SLC9D1: variants seen among roughly 807,000 people sequenced by gnomAD.
The protein encoded by SLC9D1 is solute carrier family 9 member D1.
the SLC9D1 span, among the ~76,000 whole-genome samples, chr13:113,495,172 A>G: frequency 2.6e-5 from 4 of 152,212 alleles, no homozygotes; most frequent in African/African-American, 7.2e-5. Flanking sequence ...ACTCTCTTAA[A>G]TAGACTTGGT....
the SLC9D1 span, chr13:113,539,253 T>G: frequency 9.4e-7 from 1 of 1,066,282 alleles, no homozygotes; most frequent in Non-Finnish European, 1.4e-6. This position sits in a 1 kb window ranked among gnomAD's most constrained non-coding sequence, Gnocchi z 4.8. Context: ...GCAGCTTCTG[T>G]GTTTTGTCGT....
At chr13:113,549,348 G>A in the SLC9D1 span, 1 of 1,524,930 alleles carries the variant, frequency 6.6e-7, no homozygotes, top group South Asian at 1.2e-5. Flanking sequence ...AGCTCAGTGA[G>A]ACCAGCCCTG....
At chr13:113,548,534 T>C in the SLC9D1 span, 5 of 1,478,408 alleles carry the variant, frequency 3.4e-6, no homozygotes, top group South Asian at 5.2e-5. Context: ...CGAAGGCGGC[T>C]CGGCAGCACA....
the SLC9D1 span, among the ~76,000 whole-genome samples, chr13:113,542,712 C>T: frequency 2.0e-5 from 3 of 152,186 alleles, no homozygotes; most frequent in Non-Finnish European, 4.4e-5. Flanking sequence ...TGTCGGGCCA[C>T]ATCCCTGGCA....
chr13:113,498,775 G>A, the SLC9D1 span: 1 of 361,256 alleles, frequency 2.8e-6, no homozygotes, highest in Non-Finnish European at 5.0e-6. Flanking sequence ...CCAGAGGCCA[G>A]ATGGATTGGG....
the SLC9D1 span, chr13:113,549,403 G>A: frequency 1.2e-5 from 20 of 1,612,084 alleles, no homozygotes; most frequent in Non-Finnish European, 1.4e-5. Context: ...TCTGTGACCC[G>A]CTCTGCACTT....
At chr13:113,523,715 A>G in the SLC9D1 span, among the ~76,000 whole-genome samples, 1 of 152,016 alleles carries the variant, frequency 6.6e-6, no homozygotes, top group African/African-American at 2.4e-5. Flanking sequence ...AACTTAGATT[A>G]TTGATTTTAA....
At chr13:113,545,153 C>T in the SLC9D1 span, among the ~76,000 whole-genome samples, 23 of 152,274 alleles carry the variant, frequency 1.5e-4, no homozygotes, top group East Asian at 1.5e-3. Context: ...CTCACCTTCA[C>T]GCCATGGCCT....
the SLC9D1 span, chr13:113,498,380 A>T: frequency 6.4e-7 from 1 of 1,562,946 alleles, no homozygotes. Context: ...CAGCAGAAAA[A>T]CATCAAGTTG....
At chr13:113,499,866 T>A in the SLC9D1 span, 1 of 666,536 alleles carries the variant, frequency 1.5e-6, no homozygotes, top group Non-Finnish European at 2.3e-6. Context: ...CACTGATTGA[T>A]GTATTTTTAA....
chr13:113,532,130 A>T, the SLC9D1 span, among the ~76,000 whole-genome samples: 2 of 152,186 alleles, frequency 1.3e-5, no homozygotes, highest in African/African-American at 4.8e-5. Context: ...GGGGCTCAGG[A>T]TGCAAGGGTG....
the SLC9D1 span, chr13:113,520,589 C>G: frequency 5.2e-6 from 8 of 1,550,690 alleles, no homozygotes; most frequent in Non-Finnish European, 7.1e-6. Context: ...TGTCGTAGAC[C>G]TGTCTTCAAT....
the SLC9D1 span, among the ~76,000 whole-genome samples, chr13:113,535,630 C>T: frequency 1.6e-4 from 25 of 152,294 alleles, no homozygotes; most frequent in East Asian, 1.5e-3. The surrounding 1 kb of genome is among the most constrained non-coding windows in gnomAD (Gnocchi z 4.1). Flanking sequence ...GTAAAACCAC[C>T]GGCACACACC....
the SLC9D1 span, among the ~76,000 whole-genome samples, chr13:113,493,789 G>A: frequency 6.6e-6 from 1 of 151,704 alleles, no homozygotes. Context: ...TTGTAATTCT[G>A]ATCAGTACTG....
the SLC9D1 span, among the ~76,000 whole-genome samples, chr13:113,517,335 C>T: frequency 4.3e-4 from 66 of 152,266 alleles, no homozygotes; most frequent in South Asian, 0.013. Flanking sequence ...CGGGTTCACG[C>T]CATTCTCCTG....
the SLC9D1 span, among the ~76,000 whole-genome samples, chr13:113,519,983 T>C: frequency 1.3e-5 from 2 of 152,242 alleles, no homozygotes; most frequent in African/African-American, 4.8e-5. Context: ...CTTCTCCATG[T>C]GTTTCTGGGA....
the SLC9D1 span, among the ~76,000 whole-genome samples, chr13:113,492,024 T>C: frequency 6.6e-6 from 1 of 152,236 alleles, no homozygotes; most frequent in East Asian, 1.9e-4. Context: ...TTTGTGGTTG[T>C]TGAGACAGAG....
At chr13:113,536,296 T>G in the SLC9D1 span, among the ~76,000 whole-genome samples, 2 of 151,496 alleles carry the variant, frequency 1.3e-5, no homozygotes, top group Non-Finnish European at 1.5e-5. Flanking sequence ...GAGAATCACT[T>G]GAACCCAGGA....
At chr13:113,496,210 A>G in the SLC9D1 span, among the ~76,000 whole-genome samples, 1 of 152,246 alleles carries the variant, frequency 6.6e-6, no homozygotes, top group Non-Finnish European at 1.5e-5. Context: ...AATCGCATCT[A>G]GAAAAATCTC....
Sources: gnomAD v4.1 joint callset for allele counts (sites outside exome capture counted in the v4.1 genomes callset) on GRCh38, gnomAD v4.1.1 for gene constraint, Gnocchi (gnomAD v3.1) non-coding constraint, MANE v1.5 for transcripts, NCBI Gene and HGNC (gene_info 2026-07-23, HGNC 2026-07-21) for gene names.